Variants in MYOF observed in about 807,000 individuals in gnomAD.
MYOF encodes myoferlin.
A neutral mutation model predicts 284.2 loss-of-function variants in MYOF; 244 were observed. The ratio of observed to expected loss-of-function variants is 0.86; its 90% CI spans 0.77 to 0.95. The LOEUF is 0.95. Among genes scored for constraint, MYOF ranks in the 40% least tolerant of loss-of-function variants. The pLI is 0.00. For missense variants in MYOF, 2,496 were observed against 2,560.6 expected, an observed-to-expected ratio of 0.97 and a Z score of 0.54; for synonymous variants, 904 against 919.7, an observed-to-expected ratio of 0.98 and a Z score of 0.31.
chr10:93,353,288 T>C (rs1844614924), intron 32 of MYOF, among the ~76,000 whole-genome samples: 1 of 152,076 alleles, frequency 6.6e-6, no homozygotes, highest in Non-Finnish European at 1.5e-5. Context: ...CAAAAGCAGC[T>C]GGGTGTCAGT....
chr10:93,445,766 A>C, intron 3 of MYOF, among the ~76,000 whole-genome samples: 1 of 152,178 alleles, frequency 6.6e-6, no homozygotes, highest in Non-Finnish European at 1.5e-5. Flanking sequence ...GCAGATGCAA[A>C]GTGAGGGCTC....
At chr10:93,330,538 G>C (rs1025551150) in intron 43 of MYOF, among the ~76,000 whole-genome samples, 1 of 152,176 alleles carries the variant, frequency 6.6e-6, no homozygotes, top group African/African-American at 2.4e-5. Flanking sequence ...CAGACCCACT[G>C]GGTATGCCCT....
At chr10:93,480,192 ACT>A (rs1269453912) in intron 1 of MYOF, among the ~76,000 whole-genome samples, 1 of 152,136 alleles carries the variant, frequency 6.6e-6, no homozygotes, top group Non-Finnish European at 1.5e-5. Context: ...ATGTAAATAA[ACT>A]CTGACATAAC....
At chr10:93,350,302 C>T (rs1844444841) in intron 35 of MYOF, among the ~76,000 whole-genome samples, 1 of 151,730 alleles carries the variant, frequency 6.6e-6, no homozygotes, top group South Asian at 2.1e-4. Context: ...TATTGATGAC[C>T]ACCTGTAAAC....
intron 3 of MYOF, among the ~76,000 whole-genome samples, chr10:93,432,944 A>G (rs1343278247): frequency 6.6e-6 from 1 of 152,226 alleles, no homozygotes; most frequent in Non-Finnish European, 1.5e-5. Context: ...GAACATGATC[A>G]AAAACACATA....
intron 3 of MYOF, among the ~76,000 whole-genome samples, chr10:93,443,036 C>T (rs184976700): frequency 6.4e-4 from 98 of 152,184 alleles, no homozygotes; most frequent in African/African-American, 2.3e-3. Flanking sequence ...GTGGCGTGTG[C>T]CTGTAATTCC....
chr10:93,321,413 T>A (rs1204067498), intron 48 of MYOF, among the ~76,000 whole-genome samples: 4 of 44,486 alleles, frequency 9.0e-5, no homozygotes, highest in Non-Finnish European at 2.6e-4. Context: ...ACTATTAACC[T>A]TTTTTTTTTT....
chr10:93,446,318 A>T (rs1389838078), intron 3 of MYOF, among the ~76,000 whole-genome samples: 1 of 152,220 alleles, frequency 6.6e-6, no homozygotes, highest in African/African-American at 2.4e-5. Flanking sequence ...TGAAGTTCTC[A>T]TCTTGTTCAC....
At position 93,408,561 on chromosome 10, in the gene MYOF, GTTAC is replaced by G. The variant is rs1362148790; in HGVS notation, c.729+222_729+225del. 4.0e-5 allele frequency among the ~76,000 whole-genome samples: 6 copies of G among 151,748 alleles called. No homozygotes were observed. In the East Asian group the frequency reaches 1.2e-3, roughly 30 times the overall value. On this transcript the variant is annotated intron_variant, in intron 7 of 53. Transcript: ENST00000359263. ...TCAAAAAAAAAAAAAAGCTATATTT[GTTAC>G]TTACCTATTTCTCCTTTTCCAATAG...
At chr10:93,468,068 G>A (rs2057053026) in intron 1 of MYOF, among the ~76,000 whole-genome samples, 2 of 152,184 alleles carry the variant, frequency 1.3e-5, no homozygotes, top group African/African-American at 4.8e-5. Context: ...TAAGGGCTTT[G>A]TAAATGTTAC....
chr10:93,362,798 G>A (rs1377257457), intron 27 of MYOF, among the ~76,000 whole-genome samples: 3 of 152,066 alleles, frequency 2.0e-5, no homozygotes, highest in African/African-American at 4.8e-5. Flanking sequence ...ATTATAAAGC[G>A]GGATGATGAA....
chr10:93,334,741 G>A (rs180679857), intron 41 of MYOF, among the ~76,000 whole-genome samples: 62 of 152,282 alleles, frequency 4.1e-4, no homozygotes, highest in Admixed American at 2.4e-3. Context: ...CAAGCAGCAT[G>A]GAATAAGCAC....
At chr10:93,456,814 C>T in intron 2 of MYOF, 68 bp downstream of exon 2, 4 of 1,185,612 alleles carry the variant, frequency 3.4e-6, no homozygotes, top group Middle Eastern at 1.9e-4. Context: ...GGTAACCTCT[C>T]ACCCAAAGAT....
At chr10:93,424,825 G>A (rs182130314) in intron 5 of MYOF, among the ~76,000 whole-genome samples, 21 of 152,080 alleles carry the variant, frequency 1.4e-4, no homozygotes, top group South Asian at 4.2e-4. Flanking sequence ...ACCCTCGGGC[G>A]GCCGGAGAGC....
intron 26 of MYOF, among the ~76,000 whole-genome samples, chr10:93,364,595 G>T (rs74886143): frequency 0.049 from 7,442 of 152,178 alleles, 269 homozygotes; most frequent in Middle Eastern, 0.082. Context: ...GAGTTCCTAG[G>T]TAGACAGCCA....
intron 2 of MYOF, among the ~76,000 whole-genome samples, chr10:93,454,261 G>T (rs1053173800): frequency 2.9e-4 from 44 of 152,006 alleles, no homozygotes; most frequent in African/African-American, 1.0e-3. Context: ...ATTTGTGTTT[G>T]GTTTCAATTA....
chr10:93,328,873 G>A lies in MYOF; in HGVS notation c.5021C>T (p.Thr1674Ile), dbSNP rs1452418750. ...TCTGGCGACATTTTGAAGCAGCTGT[G>A]TTGGTCTCAGTTGATCTCGCCAGGT... ...VNTWRDQLRP[T>I]QLLQNVARFK... Residue 1674 changes from threonine (T) to isoleucine (I), a missense_variant, in exon 45 of 54, where the codon ACA becomes ATA. Thr to Ile is a moderately conservative substitution (Grantham distance 89). Coordinates refer to ENST00000359263, the MANE Select transcript of MYOF (RefSeq NM_013451.4). 1 of 1,613,236 alleles carries A rather than the reference G, an allele frequency of 6.2e-7. No individual in the cohort carries two copies. Among genetic ancestry groups the A allele is most frequent in the East Asian group, 2.2e-5 (1 of 44,860 alleles).
chr10:93,338,026 A>T, intron 39 of MYOF, 113 bp from the exon 40 acceptor site: 1 of 771,316 alleles, frequency 1.3e-6, no homozygotes, highest in Non-Finnish European at 2.2e-6. Flanking sequence ...ACCCTGTTAA[A>T]AGTGAGATTA....
intron 22 of MYOF, among the ~76,000 whole-genome samples, chr10:93,376,834 CCA>C (rs1334469016): frequency 6.6e-6 from 1 of 152,136 alleles, no homozygotes; most frequent in East Asian, 1.9e-4. Flanking sequence ...AGAGGCTTGG[CCA>C]CAGTGTTCAT....
Sources: allele counts gnomAD v4.1 joint callset (sites outside exome capture counted in the v4.1 genomes callset), GRCh38; gene constraint gnomAD v4.1.1; transcripts MANE v1.5; gene names NCBI Gene and HGNC (gene_info 2026-07-23, HGNC 2026-07-21).